The following SND1 variants were observed in gnomAD, a reference collection of about 807,000 sequenced individuals.
SND1 encodes the protein staphylococcal nuclease domain-containing protein 1.
Under a neutral mutation model 121.7 loss-of-function variants are expected in SND1, and 38 were observed. The observed-to-expected ratio is 0.31, with a 90% CI of 0.24 to 0.41. The LOEUF (loss-of-function observed/expected upper bound fraction) is 0.41, where lower values mean the gene tolerates loss of function less well. Among genes scored for constraint, SND1 ranks in the 10% least tolerant of loss-of-function variants. SND1 has a pLI of 1.00. For missense variants in SND1, 868 were observed against 1,184.6 expected (o/e 0.73, Z 3.92); for synonymous variants, 401 against 447.4 (o/e 0.90, Z 1.31).
intron 11 of SND1, among the ~76,000 whole-genome samples, chr7:127,819,052 C>A (rs1798498795): frequency 6.6e-6 from 1 of 152,138 alleles, no homozygotes; most frequent in Non-Finnish European, 1.5e-5. Flanking sequence ...ATAAAATGGA[C>A]ATCATGTTTG....
chr7:127,874,502 A>G (rs1401381721), intron 12 of SND1, among the ~76,000 whole-genome samples: 1 of 152,128 alleles, frequency 6.6e-6, no homozygotes, highest in Non-Finnish European at 1.5e-5. Flanking sequence ...CAAACTCTCA[A>G]TTCCTACTCC....
intron 1 of SND1, among the ~76,000 whole-genome samples, chr7:127,653,884 C>T (rs909597247): frequency 1.3e-4 from 20 of 152,052 alleles, no homozygotes; most frequent in African/African-American, 1.7e-4. Context: ...TTCCAAGATC[C>T]GCATATATTT....
At chr7:127,997,862 C>T (rs781472199) in intron 16 of SND1, 1 of 534,814 alleles carries the variant, frequency 1.9e-6, no homozygotes, top group Admixed American at 1.9e-5. Context: ...TTCCTATTCA[C>T]TCCTGTTCTG....
chr7:127,669,395 G>C (rs973875298), intron 1 of SND1, among the ~76,000 whole-genome samples: 6 of 152,168 alleles, frequency 3.9e-5, no homozygotes, highest in African/African-American at 1.4e-4. Flanking sequence ...CCTGTGAGCT[G>C]TCAAGCCTAC....
intron 10 of SND1, among the ~76,000 whole-genome samples, chr7:127,784,595 A>G (rs1455741833): frequency 6.6e-6 from 1 of 152,180 alleles, no homozygotes; most frequent in Non-Finnish European, 1.5e-5. Flanking sequence ...CAGTAAATTC[A>G]TCCAAGTGCA....
At chr7:127,975,894 C>T (rs745313646) in intron 15 of SND1, among the ~76,000 whole-genome samples, 42 of 152,220 alleles carry the variant, frequency 2.8e-4, no homozygotes, top group Non-Finnish European at 5.1e-4. Context: ...CGGCTCCATT[C>T]AGCATTCTTC....
intron 10 of SND1, among the ~76,000 whole-genome samples, chr7:127,732,071 C>G (rs566943513): frequency 6.6e-6 from 1 of 152,352 alleles, no homozygotes; most frequent in East Asian, 1.9e-4. Context: ...GTGCCCACCC[C>G]AGAGATGGTG....
intron 7 of SND1, 114 bp downstream of exon 7, chr7:127,703,437 G>GT (rs1796138157): frequency 7.9e-7 from 1 of 1,273,500 alleles, no homozygotes; most frequent in Middle Eastern, 2.7e-4. Flanking sequence ...ATATTGGCCA[G>GT]TTGTGGTGGC....
chr7:128,067,121 A>G (rs1012419742), intron 16 of SND1, among the ~76,000 whole-genome samples: 4 of 152,000 alleles, frequency 2.6e-5, no homozygotes, highest in Non-Finnish European at 5.9e-5. Flanking sequence ...TGCTGCCCCC[A>G]TTCTCTGACC....
intron 14 of SND1, among the ~76,000 whole-genome samples, chr7:127,906,660 G>A (rs1800347447): frequency 6.6e-6 from 1 of 152,056 alleles, no homozygotes; most frequent in Admixed American, 6.6e-5. Flanking sequence ...CTCTCCTTGG[G>A]CCCACCTGAG....
intron 10 of SND1, among the ~76,000 whole-genome samples, chr7:127,803,323 T>G (rs1450731691): frequency 6.6e-6 from 1 of 152,218 alleles, no homozygotes; most frequent in Non-Finnish European, 1.5e-5. Flanking sequence ...CTCTCCATGT[T>G]CTTTTTTCCA....
At chr7:127,856,487 G>A (rs894680057) in intron 12 of SND1, among the ~76,000 whole-genome samples, 3 of 152,166 alleles carry the variant, frequency 2.0e-5, no homozygotes, top group African/African-American at 7.2e-5. Flanking sequence ...TTTTAAACAG[G>A]GAAACAAAAG....
intron 9 of SND1, among the ~76,000 whole-genome samples, chr7:127,717,729 G>A (rs1336485962): frequency 1.3e-5 from 2 of 152,174 alleles, no homozygotes; most frequent in African/African-American, 2.4e-5. Flanking sequence ...AGGCCCTTTT[G>A]GGCTGAGAAT....
At chr7:127,914,268 C>T (rs1800521324) in intron 14 of SND1, among the ~76,000 whole-genome samples, 2 of 152,180 alleles carry the variant, frequency 1.3e-5, no homozygotes, top group African/African-American at 2.4e-5. Flanking sequence ...ACTTAAGGTC[C>T]TCAGTTGACT....
chr7:127,706,480 G>A (rs535997148), intron 8 of SND1, among the ~76,000 whole-genome samples: 2 of 151,898 alleles, frequency 1.3e-5, no homozygotes, highest in South Asian at 2.1e-4. Flanking sequence ...GGATGGTCTC[G>A]ATCTCCTGAC....
At chr7:127,717,223 A>G (rs1796407926) in intron 9 of SND1, among the ~76,000 whole-genome samples, 4 of 152,232 alleles carry the variant, frequency 2.6e-5, no homozygotes, top group African/African-American at 7.2e-5. Context: ...CAATATAGAT[A>G]CATTTTTATT....
At position 127,866,746 on chromosome 7, in the gene SND1, C is replaced by T. The variant is rs965969408; in HGVS notation, c.1344-21156C>T. On this transcript the variant is annotated intron_variant, in intron 12 of 23. Coordinates refer to ENST00000354725, the MANE Select transcript of SND1 (RefSeq NM_014390.4). ...TGACCGCTTTTGTCCACCAAGCCCC[C>T]CTACTTAACTATATCTCTTCCTATC... 2.6e-5 allele frequency among the ~76,000 whole-genome samples: 4 copies of T among 152,152 alleles called. No individual in the cohort carries two copies. In the East Asian group the frequency reaches 7.7e-4, roughly 29 times the overall value.
chr7:128,076,582 G>T (rs1793509753), intron 17 of SND1, among the ~76,000 whole-genome samples: 1 of 152,158 alleles, frequency 6.6e-6, no homozygotes, highest in African/African-American at 2.4e-5. Context: ...AGCATCTGGT[G>T]GCCGGCTGGG....
At chr7:127,694,591 G>A in intron 2 of SND1, 1 of 448,816 alleles carries the variant, frequency 2.2e-6, no homozygotes, top group East Asian at 3.6e-5. Flanking sequence ...AAAACTCTGA[G>A]GCCTGTTTTT....
Sources: allele counts gnomAD v4.1 joint callset (sites outside exome capture counted in the v4.1 genomes callset), GRCh38; gene constraint gnomAD v4.1.1; transcripts MANE v1.5; gene names NCBI Gene and HGNC (gene_info 2026-07-23, HGNC 2026-07-21).